FOXN3: variants seen among roughly 807,000 people sequenced by gnomAD.
The protein encoded by FOXN3 is forkhead box protein N3.
In FOXN3, 7 loss-of-function variants were observed where a neutral mutation model predicts 38.4. That is an observed-to-expected ratio of 0.18 (90% CI 0.10 to 0.34). The LOEUF is 0.34. FOXN3 is among the 10% of genes least tolerant of loss of function. FOXN3 has a pLI of 1.00. For missense variants in FOXN3, 456 were observed against 613.4 expected (o/e 0.74, Z 2.71); for synonymous variants, 230 against 242.2 (o/e 0.95, Z 0.47).
chr14:89,553,067 C>T (rs533004242), intron 1 of FOXN3, among the ~76,000 whole-genome samples: 10 of 151,692 alleles, frequency 6.6e-5, no homozygotes, highest in Non-Finnish European at 1.0e-4. Flanking sequence ...GGCGAAACCT[C>T]GTCTCTACAA....
chr14:89,419,275 A>C, upstream of FOXN3: 1 of 447,648 alleles, frequency 2.2e-6, no homozygotes, highest in East Asian at 7.0e-5. Flanking sequence ...AAATGGGGGA[A>C]AAAATGCTGA....
chr14:89,569,112 G>A (rs1213948456), intron 1 of FOXN3, among the ~76,000 whole-genome samples: 1 of 152,208 alleles, frequency 6.6e-6, no homozygotes, highest in Non-Finnish European at 1.5e-5. Flanking sequence ...GGCTGAGGCA[G>A]GAGAATGGCG....
chr14:89,176,808 C>G (rs552819661), intron 5 of FOXN3, among the ~76,000 whole-genome samples: 13 of 152,288 alleles, frequency 8.5e-5, no homozygotes, highest in Non-Finnish European at 1.6e-4. Context: ...TTTCCAAAAG[C>G]ATCTCAGTGT....
Position 89,162,899 on chromosome 14 carries a change from C to T in FOXN3, c.922G>A (p.Asp308Asn), listed in dbSNP as rs780882135. The change falls in exon 6 of 6, where the codon GAC becomes AAC. Residue 308 changes from aspartate to asparagine, a missense_variant. Transcript: ENST00000557258. This position sits in a 1 kb window ranked among gnomAD's most constrained non-coding sequence, Gnocchi z 7.2. ...PSCGSPVVSGDPKEDHNYSSA... is the reference protein window; with the variant it reads ...PSCGSPVVSGNPKEDHNYSSA... Reference sequence around the variant, plus strand: ...CTGTAGTTGTGATCCTCCTTGGGGTCTCCGCTGACCACTGGGGAGCCACAA... The same window carrying T: ...CTGTAGTTGTGATCCTCCTTGGGGTTTCCGCTGACCACTGGGGAGCCACAA... The T allele has an allele frequency of 6.2e-7, 1 of 1,601,458 alleles. No homozygotes were observed. Among genetic ancestry groups the T allele is most frequent in the Admixed American group, 1.7e-5 (1 of 59,404 alleles).
chr14:89,269,005 C>T (rs188390828), intron 4 of FOXN3, among the ~76,000 whole-genome samples: 63 of 152,372 alleles, frequency 4.1e-4, no homozygotes, highest in African/African-American at 1.4e-3. Flanking sequence ...AAATGATCAG[C>T]ACACAATCGA....
At chr14:89,567,983 A>G (rs997423350) in intron 1 of FOXN3, among the ~76,000 whole-genome samples, 4 of 151,838 alleles carry the variant, frequency 2.6e-5, no homozygotes, top group Middle Eastern at 3.2e-3. Context: ...CGGCCTCCCA[A>G]AGTGCTAGGA....
intron 2 of FOXN3, among the ~76,000 whole-genome samples, chr14:89,404,244 T>C (rs1349953651): frequency 6.6e-6 from 1 of 151,974 alleles, no homozygotes; most frequent in African/African-American, 2.4e-5. Context: ...GCACGGTGGC[T>C]CACGGCTGTA....
chr14:89,511,202 CTTTTCTTTCTTTCTT>C lies in FOXN3; in HGVS notation c.-14-98727_-14-98713del, dbSNP rs1566681048. On this transcript the variant is annotated intron_variant, in intron 1 of 6. Transcript: ENST00000345097. ...CTTTCTTTCTTTCTTTTCTTTCTTT[CTTTTCTTTCTTTCTT>C]TCTTTCTTTCTTTTCTTTCCTTTTC... Among the ~76,000 whole-genome samples, 17 of 8,618 alleles carry C rather than the reference CTTTTCTTTCTTTCTT, an allele frequency of 2.0e-3. 5 individuals are homozygous for C. The highest frequency in any genetic ancestry group is 3.0e-3 in the African/African-American group (17 of 5,662). 5.7% of individuals were successfully genotyped at this position (8,618 alleles called of 152,430 possible). A position where few individuals can be genotyped will look rare whatever the true frequency, so the allele number is the denominator to read the frequency against.
intron 3 of FOXN3, among the ~76,000 whole-genome samples, chr14:89,325,371 C>CCACT (rs1566956980): frequency 4.2e-5 from 6 of 141,862 alleles, no homozygotes; most frequent in Non-Finnish European, 9.4e-5. Flanking sequence ...CTACCACCAC[C>CCACT]GCCACCACCA....
At chr14:89,234,626 T>G (rs1261907250) in intron 4 of FOXN3, among the ~76,000 whole-genome samples, 4 of 151,998 alleles carry the variant, frequency 2.6e-5, no homozygotes, top group Middle Eastern at 3.4e-3. Flanking sequence ...CCTCTCTCTC[T>G]CTCTCTCTCT....
intron 1 of FOXN3, among the ~76,000 whole-genome samples, chr14:89,562,324 G>A (rs1354760987): frequency 1.3e-5 from 2 of 152,060 alleles, no homozygotes; most frequent in African/African-American, 2.4e-5. Flanking sequence ...ACAGTGGCGC[G>A]ATCTTGACTC....
intron 1 of FOXN3, among the ~76,000 whole-genome samples, chr14:89,487,670 T>C (rs909077047): frequency 2.0e-5 from 3 of 152,148 alleles, no homozygotes; most frequent in Non-Finnish European, 2.9e-5. Context: ...GATCGCATCA[T>C]GGAGGGATGA....
chr14:89,370,537 T>C (rs1890288881), intron 2 of FOXN3, among the ~76,000 whole-genome samples: 1 of 152,258 alleles, frequency 6.6e-6, no homozygotes, highest in Non-Finnish European at 1.5e-5. Context: ...TCTGTGCCCA[T>C]GCTGACAGTC....
chr14:89,552,949 G>T (rs1195130832), intron 1 of FOXN3, among the ~76,000 whole-genome samples: 2 of 152,122 alleles, frequency 1.3e-5, no homozygotes, highest in African/African-American at 4.8e-5. Context: ...CACCCCATTT[G>T]GCAGGTGTTT....
At chr14:89,289,041 G>A (rs1886770966) in intron 3 of FOXN3, among the ~76,000 whole-genome samples, 1 of 151,422 alleles carries the variant, frequency 6.6e-6, no homozygotes, top group South Asian at 2.1e-4. Flanking sequence ...AATTTGTTGG[G>A]CATGGTGGTG....
intron 4 of FOXN3, among the ~76,000 whole-genome samples, chr14:89,242,448 C>A (rs1164357434): frequency 6.6e-6 from 1 of 152,128 alleles, no homozygotes; most frequent in Non-Finnish European, 1.5e-5. Context: ...GTGGCACTTT[C>A]CATTCTGAGA....
At chr14:89,551,646 C>T (rs1389742256) in intron 1 of FOXN3, among the ~76,000 whole-genome samples, 1 of 152,158 alleles carries the variant, frequency 6.6e-6, no homozygotes, top group African/African-American at 2.4e-5. Context: ...AGTCCCCTCG[C>T]GGCAGGTCCT....
At chr14:89,252,047 T>G (rs1885474913) in intron 4 of FOXN3, among the ~76,000 whole-genome samples, 1 of 152,252 alleles carries the variant, frequency 6.6e-6, no homozygotes, top group Non-Finnish European at 1.5e-5. Context: ...CCATTCATTG[T>G]CTACTAGGTG....
intron 1 of FOXN3, among the ~76,000 whole-genome samples, chr14:89,532,470 T>C (rs138618936): frequency 8.6e-4 from 131 of 152,310 alleles, no homozygotes; most frequent in African/African-American, 2.8e-3. Flanking sequence ...GTCACAACCA[T>C]ATTTTTTAAA....
Sources: gnomAD v4.1 joint callset for allele counts (sites outside exome capture counted in the v4.1 genomes callset) on GRCh38, gnomAD v4.1.1 for gene constraint, Gnocchi (gnomAD v3.1) non-coding constraint, MANE v1.5 for transcripts, NCBI Gene and HGNC (gene_info 2026-07-23, HGNC 2026-07-21) for gene names.